The following HS6ST3 variants were observed in gnomAD, a reference collection of about 807,000 sequenced individuals.
HS6ST3 encodes heparan sulfate 6-O-sulfotransferase 3.
Under a neutral mutation model 36.7 loss-of-function variants are expected in HS6ST3, and 12 were observed. The ratio of observed to expected loss-of-function variants is 0.33; its 90% CI spans 0.21 to 0.53. The LOEUF is 0.53. HS6ST3 is among the 20% of genes least tolerant of loss of function. The pLI is 0.95. For synonymous variants in HS6ST3, 240 were observed against 257.5 expected, an observed-to-expected ratio of 0.93 and a Z score of 0.65; for missense variants, 584 against 640.9, an observed-to-expected ratio of 0.91 and a Z score of 0.96.
chr13:96,692,037 A>G (rs1874977392), intron 1 of HS6ST3, among the ~76,000 whole-genome samples: 1 of 152,156 alleles, frequency 6.6e-6, no homozygotes, highest in African/African-American at 2.4e-5. Context: ...GTTTATTATG[A>G]CTCAGAGAAA....
intron 1 of HS6ST3, among the ~76,000 whole-genome samples, chr13:96,677,751 T>G (rs2056703854): frequency 6.6e-6 from 1 of 152,176 alleles, no homozygotes; most frequent in Non-Finnish European, 1.5e-5. Flanking sequence ...TAGTAAATAT[T>G]TGATTACATC....
intron 1 of HS6ST3, among the ~76,000 whole-genome samples, chr13:96,505,185 A>G (rs1224761889): frequency 2.0e-5 from 3 of 152,170 alleles, no homozygotes; most frequent in Admixed American, 6.6e-5. Flanking sequence ...ATCCTGTGCA[A>G]TCACATGGGG....
At chr13:96,201,402 C>A (rs1037793742) in intron 1 of HS6ST3, among the ~76,000 whole-genome samples, 1 of 151,642 alleles carries the variant, frequency 6.6e-6, no homozygotes, top group South Asian at 2.1e-4. Context: ...TAATATTGGT[C>A]TTTACACAAA....
At chr13:96,507,506 A>G (rs1029852380) in intron 1 of HS6ST3, among the ~76,000 whole-genome samples, 8 of 151,986 alleles carry the variant, frequency 5.3e-5, no homozygotes, top group African/African-American at 1.9e-4. Flanking sequence ...TTTTGCTTTC[A>G]GTTTTCTGCA....
At chr13:96,096,614 T>C (rs2053792438) in intron 1 of HS6ST3, among the ~76,000 whole-genome samples, 2 of 152,334 alleles carry the variant, frequency 1.3e-5, no homozygotes, top group African/African-American at 2.4e-5. Context: ...TATAGACTGT[T>C]TTACACATTC....
At chr13:96,781,820 T>C (rs936068188) in intron 1 of HS6ST3, among the ~76,000 whole-genome samples, 1 of 152,228 alleles carries the variant, frequency 6.6e-6, no homozygotes, top group African/African-American at 2.4e-5. Flanking sequence ...CATGTTTAGC[T>C]AAAATTGCTT....
At chr13:96,502,359 C>CT (rs11410300) in intron 1 of HS6ST3, among the ~76,000 whole-genome samples, 107,356 of 139,052 alleles carry the variant, frequency 0.77, 43,213 homozygotes, top group Non-Finnish European at 0.89. Context: ...TCTTCACGGG[C>CT]TTTTTTTTTT....
At chr13:96,356,215 C>T (rs952853635) in intron 1 of HS6ST3, among the ~76,000 whole-genome samples, 2 of 152,140 alleles carry the variant, frequency 1.3e-5, no homozygotes, top group African/African-American at 4.8e-5. Flanking sequence ...CAAAGTCACT[C>T]ATGAGTATTA....
chr13:96,343,210 C>A (rs2055138664), intron 1 of HS6ST3, among the ~76,000 whole-genome samples: 1 of 152,180 alleles, frequency 6.6e-6, no homozygotes, highest in Admixed American at 6.5e-5. Context: ...AACCAAGTAC[C>A]ACAGACTTAA....
chr13:96,462,263 G>A (rs564145240), intron 1 of HS6ST3, among the ~76,000 whole-genome samples: 92 of 152,176 alleles, frequency 6.0e-4, no homozygotes, highest in Non-Finnish European at 1.2e-3. Context: ...TAGAGATGGG[G>A]TCTTGTTGTG....
At chr13:96,450,127 A>T (rs2055720450) in intron 1 of HS6ST3, among the ~76,000 whole-genome samples, 1 of 152,154 alleles carries the variant, frequency 6.6e-6, no homozygotes, top group Non-Finnish European at 1.5e-5. Flanking sequence ...ACCTCAAACA[A>T]ATGTTTTGCT....
intron 1 of HS6ST3, among the ~76,000 whole-genome samples, chr13:96,569,663 A>C (rs2056294205): frequency 6.6e-6 from 1 of 152,158 alleles, no homozygotes; most frequent in African/African-American, 2.4e-5. Flanking sequence ...AGTAAGTGGT[A>C]AGATCTGGGA....
chr13:96,494,707 A>T (rs2138908312), intron 1 of HS6ST3, among the ~76,000 whole-genome samples: 1 of 152,220 alleles, frequency 6.6e-6, no homozygotes, highest in East Asian at 1.9e-4. Context: ...AGAGATAAGA[A>T]AAAGATAAAA....
chr13:96,201,369 C>T (rs759593352), intron 1 of HS6ST3, among the ~76,000 whole-genome samples: 2 of 151,854 alleles, frequency 1.3e-5, no homozygotes, highest in Non-Finnish European at 2.9e-5. Context: ...ATAATGATAT[C>T]TTCCACCCCA....
At chr13:96,721,197 A>G (rs1039358265) in intron 1 of HS6ST3, among the ~76,000 whole-genome samples, 8 of 152,292 alleles carry the variant, frequency 5.3e-5, no homozygotes, top group African/African-American at 1.7e-4. Flanking sequence ...ATATCACCTG[A>G]GCATGAGGTG....
intron 1 of HS6ST3, among the ~76,000 whole-genome samples, chr13:96,531,937 C>T (rs2389672): frequency 0.95 from 144,409 of 152,248 alleles, 68,847 homozygotes; most frequent in Non-Finnish European, 1. Flanking sequence ...AGAAAACAAC[C>T]TCGATTTGAG....
At chr13:96,604,198 C>T (rs780153339) in intron 1 of HS6ST3, among the ~76,000 whole-genome samples, 44 of 152,216 alleles carry the variant, frequency 2.9e-4, no homozygotes, top group Non-Finnish European at 6.0e-4. Flanking sequence ...TGAATTAACC[C>T]AGTGCAATAT....
intron 1 of HS6ST3, among the ~76,000 whole-genome samples, chr13:96,544,961 A>T (rs2056192320): frequency 6.6e-6 from 1 of 152,218 alleles, no homozygotes; most frequent in Non-Finnish European, 1.5e-5. Flanking sequence ...TTATGCAAAT[A>T]AAGAAGCTCC....
At chr13:96,158,470 G>T (rs9525136) in intron 1 of HS6ST3, among the ~76,000 whole-genome samples, 123,342 of 151,548 alleles carry the variant, frequency 0.81, 50,636 homozygotes, top group East Asian at 0.91. Flanking sequence ...CGCCAACATG[G>T]TGAAACCCTG....
Sources: allele counts gnomAD v4.1 joint callset (sites outside exome capture counted in the v4.1 genomes callset), GRCh38; gene constraint gnomAD v4.1.1; transcripts MANE v1.5; gene names NCBI Gene and HGNC (gene_info 2026-07-23, HGNC 2026-07-21).